Variants in BCAS3 observed in about 807,000 individuals in gnomAD.
The protein encoded by BCAS3 is BCAS4/BCAS3 fusion.
Under a neutral mutation model 116.1 loss-of-function variants are expected in BCAS3, and 53 were observed. That is an observed-to-expected ratio of 0.46 (90% CI 0.37 to 0.57). The LOEUF is 0.57. Among genes scored for constraint, BCAS3 ranks in the 20% least tolerant of loss-of-function variants. BCAS3 has a pLI of 0.00. For missense variants in BCAS3, 917 were observed against 1,165.4 expected (o/e 0.79, Z 3.10); for synonymous variants, 391 against 408.2 (o/e 0.96, Z 0.51).
At chr17:60,785,809 C>G (rs945885765) in intron 6 of BCAS3, among the ~76,000 whole-genome samples, 1 of 152,200 alleles carries the variant, frequency 6.6e-6, no homozygotes, top group African/African-American at 2.4e-5. Flanking sequence ...GTTTCCACAT[C>G]TGTGGATTCA....
At chr17:61,267,141 T>C (rs1287353238) in intron 22 of BCAS3, among the ~76,000 whole-genome samples, 1 of 152,040 alleles carries the variant, frequency 6.6e-6, no homozygotes, top group African/African-American at 2.4e-5. Context: ...CACCGCAAGC[T>C]CCGCCTCCCG....
chr17:61,231,881 A>AG (rs2082699897), intron 22 of BCAS3, among the ~76,000 whole-genome samples: 1 of 150,660 alleles, frequency 6.6e-6, no homozygotes, highest in Non-Finnish European at 1.5e-5. Context: ...AAAAAAAAAA[A>AG]AAAAAAGAAA....
chr17:61,011,331 T>C (rs2065101014), intron 15 of BCAS3, among the ~76,000 whole-genome samples: 1 of 152,080 alleles, frequency 6.6e-6, no homozygotes, highest in Admixed American at 6.6e-5. Context: ...CCTGCTGAAC[T>C]TCCTTATACG....
In BCAS3 at chr17:60,724,053, G is replaced by T. The variant is rs184422355; in HGVS notation, c.321+14728G>T. Among the ~76,000 whole-genome samples the T allele has an allele frequency of 5.3e-3, 794 of 151,026 alleles. 6 individuals carry two copies. Among genetic ancestry groups the T allele is most frequent in the African/African-American group, 0.018 (752 of 41,216 alleles). On this transcript the variant is annotated intron_variant, in intron 5 of 23. Coordinates refer to ENST00000407086, the MANE Select transcript of BCAS3 (RefSeq NM_017679.5). ...CACTTTCTTAAAATTTTCTTTTGAT[G>T]AAAAAAATCTGGTTCCGATTTTTTA...
At chr17:60,710,711 G>C (rs573416682) in intron 5 of BCAS3, among the ~76,000 whole-genome samples, 1 of 151,754 alleles carries the variant, frequency 6.6e-6, no homozygotes, top group South Asian at 2.1e-4. Flanking sequence ...GATTACAGGT[G>C]TGAGCCACCA....
At chr17:60,827,171 GC>G (rs2050505383) in intron 7 of BCAS3, among the ~76,000 whole-genome samples, 1 of 152,158 alleles carries the variant, frequency 6.6e-6, no homozygotes, top group Admixed American at 6.5e-5. Context: ...TATTTGTAAA[GC>G]AGTGCTTATA....
rs2070511020 is a variant in BCAS3, at chr17:61,065,486, T to C, written c.2030-9434T>C. Among the ~76,000 whole-genome samples, 1 of 152,212 alleles carries C rather than the reference T, an allele frequency of 6.6e-6. No individual in the cohort carries two copies. The highest frequency in any genetic ancestry group is 6.5e-5 in the Admixed American group (1 of 15,286). ...GTCCTTGGGAGAGAGTTTATCACTG[T>C]TGGCCTTTGGGTGAACTTTGAGCCT... On this transcript the variant is annotated intron_variant, in intron 19 of 23. Transcript: ENST00000407086. This position sits in a 1 kb window ranked among gnomAD's most constrained non-coding sequence, Gnocchi z 4.8.
At chr17:60,840,900 C>G (rs2144759089) in intron 7 of BCAS3, among the ~76,000 whole-genome samples, 1 of 152,206 alleles carries the variant, frequency 6.6e-6, no homozygotes, top group East Asian at 1.9e-4. Context: ...TTGTAGGCTT[C>G]TCTGTTTTAT....
chr17:61,166,325 T>C (rs1214374283), intron 22 of BCAS3, among the ~76,000 whole-genome samples: 5 of 151,514 alleles, frequency 3.3e-5, no homozygotes, highest in African/African-American at 1.2e-4. Context: ...AATAGCTCCA[T>C]AAAGCATTTC....
intron 22 of BCAS3, among the ~76,000 whole-genome samples, chr17:61,311,903 C>CAT (rs4011672): frequency 4.0e-5 from 6 of 151,418 alleles, no homozygotes; most frequent in East Asian, 1.9e-4. Flanking sequence ...CAAAAAAAAG[C>CAT]ATATATATAT....
chr17:60,716,695 A>G (rs2038647471), intron 5 of BCAS3, among the ~76,000 whole-genome samples: 1 of 150,302 alleles, frequency 6.7e-6, no homozygotes, highest in Non-Finnish European at 1.5e-5. Context: ...AGCCTGGGTG[A>G]CAGAGCAAGA....
rs140663182 is a variant in BCAS3 at position 60,693,497 on chromosome 17, C to A, written c.214+3736C>A. Among the ~76,000 whole-genome samples, 79 of 151,650 alleles carry A rather than the reference C, an allele frequency of 5.2e-4. 2 individuals are homozygous for A. Among genetic ancestry groups the A allele is most frequent in the Admixed American group, 3.0e-3 (46 of 15,210 alleles). ...GAACTTGAACTTGGCTCACTGCAGCCCCGACCTTCTGGGCTCAAGCAATCC... is the reference window on the plus strand; with the variant it reads ...GAACTTGAACTTGGCTCACTGCAGCACCGACCTTCTGGGCTCAAGCAATCC... On this transcript the variant is annotated intron_variant, in intron 4 of 23. Transcript: ENST00000407086.
intron 18 of BCAS3, among the ~76,000 whole-genome samples, chr17:61,039,017 T>C (rs2067290398): frequency 6.6e-6 from 1 of 152,230 alleles, no homozygotes; most frequent in Non-Finnish European, 1.5e-5. Flanking sequence ...AAAAGTGACT[T>C]TTCACAAAGT....
chr17:61,307,763 CAAGTT>C lies in BCAS3; in HGVS notation c.2426-60559_2426-60555del, dbSNP rs1337687145. Among the ~76,000 whole-genome samples, 5 of 152,278 alleles carry C rather than the reference CAAGTT, an allele frequency of 3.3e-5. No individual in the cohort carries two copies. The East Asian group carries it at 7.7e-4, about 24-fold the overall frequency. On this transcript the variant is annotated intron_variant, in intron 22 of 23. Coordinates refer to ENST00000407086, the MANE Select transcript of BCAS3 (RefSeq NM_017679.5). The surrounding 1 kb of genome is among the most constrained non-coding windows in gnomAD (Gnocchi z 4.7). The stretch of plus-strand genomic sequence containing the variant: ...CTTAATGGCCAGTTCAAGAAATAAT[CAAGTT>C]AAGTGTATTTAATTCATACTTTTAA...
rs992617425 is a variant in BCAS3, at chr17:60,716,684, C to G, written c.321+7359C>G. Among the ~76,000 whole-genome samples the G allele has an allele frequency of 5.3e-5, 8 of 149,696 alleles. No individual in the cohort carries two copies. In the East Asian group the frequency reaches 5.8e-4, roughly 11 times the overall value. The stretch of plus-strand genomic sequence containing the variant: ...CAGTGACCTGTGCACCACTGCACGC[C>G]AGCCTGGGTGACAGAGCAAGACCCT... On this transcript the variant is annotated intron_variant, in intron 5 of 23. Coordinates refer to ENST00000407086, the MANE Select transcript of BCAS3 (RefSeq NM_017679.5).
At position 60,956,710 on chromosome 17, in the gene BCAS3, A is replaced by G. The variant is rs2061151580; in HGVS notation, c.1221+9358A>G. On this transcript the variant is annotated intron_variant, in intron 14 of 23. Coordinates refer to ENST00000407086, the MANE Select transcript of BCAS3 (RefSeq NM_017679.5). The surrounding 1 kb of genome is among the most constrained non-coding windows in gnomAD (Gnocchi z 4.2). ...GGAAAGTCAAATAGAAATTATTTAA[A>G]TGATTATGCTCTAGAACACACTCTG... Among the ~76,000 whole-genome samples the G allele has an allele frequency of 6.6e-6, 1 of 152,198 alleles. No homozygotes were observed. The highest frequency in any genetic ancestry group is 1.5e-5 in the Non-Finnish European group (1 of 68,022).
At position 61,151,399 on chromosome 17, in the gene BCAS3, T is replaced by TC. The variant is rs11388447; in HGVS notation, c.2425+66835_2425+66836insC. 1.3e-5 allele frequency among the ~76,000 whole-genome samples: 2 copies of TC among 152,080 alleles called. No homozygotes were observed. Among genetic ancestry groups the TC allele is most frequent in the East Asian group, 3.9e-4 (2 of 5,194 alleles). ...TCCTCCTGTTTTTTCCTACTTTTTT[T>TC]TTTTTTAACCTGTTAAGGTCTTCCG... On this transcript the variant is annotated intron_variant, in intron 22 of 23. Coordinates refer to ENST00000407086, the MANE Select transcript of BCAS3 (RefSeq NM_017679.5). The surrounding 1 kb of genome is among the most constrained non-coding windows in gnomAD (Gnocchi z 4.8).
intron 22 of BCAS3, among the ~76,000 whole-genome samples, chr17:61,206,484 A>C (rs1269504050): frequency 6.6e-6 from 1 of 152,080 alleles, no homozygotes; most frequent in Non-Finnish European, 1.5e-5. Context: ...ATATTAACTA[A>C]ACTGCATTTT....
intron 7 of BCAS3, among the ~76,000 whole-genome samples, chr17:60,844,134 T>C (rs768040588): frequency 1.3e-5 from 2 of 152,128 alleles, no homozygotes; most frequent in Non-Finnish European, 2.9e-5. Context: ...CACACCCAGC[T>C]AATTTTGTTT....
Sources: gnomAD v4.1 joint callset for allele counts (sites outside exome capture counted in the v4.1 genomes callset) on GRCh38, gnomAD v4.1.1 for gene constraint, Gnocchi (gnomAD v3.1) non-coding constraint, MANE v1.5 for transcripts, NCBI Gene and HGNC (gene_info 2026-07-23, HGNC 2026-07-21) for gene names.